The following USP46 variants were observed in gnomAD, a reference collection of about 807,000 sequenced individuals.
USP46 encodes the protein ubiquitin specific peptidase 46.
In USP46, 12 loss-of-function variants were observed where a neutral mutation model predicts 44.4. The ratio of observed to expected loss-of-function variants is 0.27; its 90% CI spans 0.17 to 0.44. The LOEUF is 0.44. Ranked by LOEUF, USP46 falls within the 20% of genes least tolerant of loss-of-function variation. The pLI is 1.00. For synonymous variants in USP46, 155 were observed against 161.5 expected (o/e 0.96, Z 0.31); for missense variants, 248 against 444.8 (o/e 0.56, Z 3.98).
chr4:52,622,112 A>G (rs1310772308), intron 4 of USP46, among the ~76,000 whole-genome samples: 7 of 152,256 alleles, frequency 4.6e-5, no homozygotes, highest in South Asian at 2.1e-4. Flanking sequence ...CAAAGAAAAG[A>G]TAGTATTGAC....
chr4:52,612,625 C>T (rs1716977243), intron 4 of USP46, among the ~76,000 whole-genome samples: 1 of 152,228 alleles, frequency 6.6e-6, no homozygotes, highest in African/African-American at 2.4e-5. Context: ...AGGAGAGATT[C>T]ATGGAGGAAA....
In USP46 at chr4:52,597,531, G is replaced by A. The variant is rs532270842; in HGVS notation, c.*109C>T. On this transcript the variant is annotated 3_prime_UTR_variant, in exon 9 of 9. Transcript: ENST00000441222. The stretch of plus-strand genomic sequence containing the variant: ...TAACACAGCCAGACCATTGAGACTC[G>A]GAGTGATACCATTAGTGGGCCACTG... 8.6e-5 allele frequency: 62 copies of A among 721,388 alleles called. 1 individual carries two copies. The Admixed American group carries it at 1.0e-3, about 12-fold the overall frequency. 44.7% of individuals were successfully genotyped at this position (721,388 alleles called of 1,614,324 possible).
intron 2 of USP46, 146 bp downstream of exon 2, chr4:52,630,918 T>C: frequency 1.5e-6 from 1 of 666,744 alleles, no homozygotes; most frequent in South Asian, 2.0e-5. Flanking sequence ...ATAGGTTAAG[T>C]TGCTTTCTCC....
At chr4:52,657,969 G>T (rs972466567) in intron 1 of USP46, among the ~76,000 whole-genome samples, 4 of 152,166 alleles carry the variant, frequency 2.6e-5, no homozygotes, top group African/African-American at 7.2e-5. Flanking sequence ...ATGGGGGAAG[G>T]GCAGCCAGAT....
chr4:52,650,369 A>G (rs1718709771), intron 1 of USP46, among the ~76,000 whole-genome samples: 1 of 152,262 alleles, frequency 6.6e-6, no homozygotes, highest in African/African-American at 2.4e-5. Flanking sequence ...TTATCCACAC[A>G]CAAACGTTGC....
intron 2 of USP46, 26 bp downstream of exon 2, chr4:52,631,038 G>A: frequency 6.5e-7 from 1 of 1,541,440 alleles, no homozygotes. Context: ...AACATTTGAT[G>A]AAAATAATAC....
intron 1 of USP46, among the ~76,000 whole-genome samples, chr4:52,636,445 C>T (rs1014802027): frequency 2.0e-5 from 3 of 152,022 alleles, no homozygotes; most frequent in African/African-American, 4.8e-5. Context: ...CGGTGGCTCA[C>T]GTCTGTAATC....
intron 4 of USP46, among the ~76,000 whole-genome samples, chr4:52,616,652 C>T (rs149432287): frequency 2.6e-5 from 4 of 152,282 alleles, no homozygotes; most frequent in Non-Finnish European, 5.9e-5. Flanking sequence ...GGATTATAGG[C>T]ATGAGCCACC....
chr4:52,607,981 G>C (rs1201329682), intron 5 of USP46, among the ~76,000 whole-genome samples: 1 of 152,156 alleles, frequency 6.6e-6, no homozygotes, highest in African/African-American at 2.4e-5. Context: ...CTAATACAGG[G>C]CTGGTCCAAA....
In USP46 at chr4:52,593,152, G is replaced by A. The variant is rs1716093215; in HGVS notation, c.*4488C>T. 1 of 389,354 alleles carries A rather than the reference G, an allele frequency of 2.6e-6. No individual in the cohort carries two copies. Among genetic ancestry groups the A allele is most frequent in the Non-Finnish European group, 4.5e-6 (1 of 221,018 alleles). 24.1% of individuals were successfully genotyped at this position (389,354 alleles called of 1,614,324 possible). On this transcript the variant is annotated 3_prime_UTR_variant, in exon 9 of 9. Coordinates refer to ENST00000441222, the MANE Select transcript of USP46 (RefSeq NM_022832.4). ...TGGAAGGCTTCATTTTTTTAGTAAA[G>A]GTATTTTAAGTATCAATAAAAAGAG... is the stretch of plus-strand genomic sequence containing the variant.
At chr4:52,609,375 C>A (rs1577664389) in intron 5 of USP46, among the ~76,000 whole-genome samples, 1 of 151,942 alleles carries the variant, frequency 6.6e-6, no homozygotes, top group Middle Eastern at 3.4e-3. Flanking sequence ...GAAGAAAATT[C>A]ATAATTCTAG....
chr4:52,658,754 G>A (rs1035244653), intron 1 of USP46, among the ~76,000 whole-genome samples: 3 of 152,186 alleles, frequency 2.0e-5, no homozygotes, highest in African/African-American at 7.2e-5. Context: ...GAAGAGGATG[G>A]GTGCCCCCCA....
intron 6 of USP46, among the ~76,000 whole-genome samples, chr4:52,602,661 A>C (rs993924994): frequency 6.6e-6 from 1 of 152,168 alleles, no homozygotes; most frequent in African/African-American, 2.4e-5. Flanking sequence ...TACATTTCAC[A>C]AACTGGGCTC....
chr4:52,599,762 C>T (rs1280141178), intron 7 of USP46, among the ~76,000 whole-genome samples: 4 of 152,160 alleles, frequency 2.6e-5, no homozygotes, highest in Non-Finnish European at 5.9e-5. Context: ...TCTGTTTACC[C>T]TCTTTCAACA....
At chr4:52,615,461 C>G (rs904348090) in intron 4 of USP46, among the ~76,000 whole-genome samples, 5 of 152,062 alleles carry the variant, frequency 3.3e-5, no homozygotes, top group African/African-American at 1.2e-4. Context: ...AGAATGTCAA[C>G]TTATCAGAAA....
chr4:52,651,823 GCA>G (rs1162224993), intron 1 of USP46, among the ~76,000 whole-genome samples: 1 of 152,130 alleles, frequency 6.6e-6, no homozygotes, highest in Non-Finnish European at 1.5e-5. Flanking sequence ...GGCCTTGCTG[GCA>G]CAGGCAGGTC....
chr4:52,619,383 T>G (rs548093876), intron 4 of USP46, among the ~76,000 whole-genome samples: 2 of 152,152 alleles, frequency 1.3e-5, no homozygotes, highest in Admixed American at 1.3e-4. Context: ...TTGAAGGAAC[T>G]AGCAGCTGAG....
chr4:52,620,976 T>A (rs984586126), intron 4 of USP46, among the ~76,000 whole-genome samples: 1 of 152,152 alleles, frequency 6.6e-6, no homozygotes, highest in Non-Finnish European at 1.5e-5. Flanking sequence ...ACAACACAAA[T>A]GAATCTCACA....
chr4:52,617,098 T>C (rs1717183700), intron 4 of USP46, among the ~76,000 whole-genome samples: 1 of 152,214 alleles, frequency 6.6e-6, no homozygotes, highest in South Asian at 2.1e-4. Context: ...AGGAAATAAA[T>C]ATTTACTAAA....
Sources: allele counts gnomAD v4.1 joint callset (sites outside exome capture counted in the v4.1 genomes callset), GRCh38; gene constraint gnomAD v4.1.1; transcripts MANE v1.5; gene names NCBI Gene and HGNC (gene_info 2026-07-23, HGNC 2026-07-21).